GSE1: variants seen among roughly 807,000 people sequenced by gnomAD.
The protein encoded by GSE1 is Gse1 coiled-coil protein.
Under a neutral mutation model 112.6 loss-of-function variants are expected in GSE1, and 32 were observed. The observed-to-expected ratio is 0.28, with a 90% confidence interval of 0.21 to 0.38. GSE1 has a LOEUF of 0.38. GSE1 is among the 10% of genes least tolerant of loss of function. The probability of loss-of-function intolerance (pLI) is 1.00; values close to 1 mark genes in which losing one functional copy is unlikely to be tolerated. For missense variants in GSE1, 2,348 were observed against 1,699.2 expected (o/e 1.38, Z -6.71); for synonymous variants, 1,115 against 735.6 (o/e 1.52, Z -8.35).
intron 1 of GSE1, among the ~76,000 whole-genome samples, chr16:85,568,221 G>T (rs1048709132): frequency 1.6e-4 from 24 of 152,218 alleles, no homozygotes; most frequent in Non-Finnish European, 1.3e-4. Flanking sequence ...TTCTTCCAGG[G>T]TCTGCTTCTG....
intron 4 of GSE1, 40 bp from the exon 5 acceptor site, chr16:85,654,754 A>G (rs2051760752): frequency 7.5e-7 from 1 of 1,332,402 alleles, no homozygotes; most frequent in Non-Finnish European, 1.1e-6. Context: ...GCAGGTGTGC[A>G]CTCACCTGTC....
At chr16:85,290,322 C>T (rs747281368) in intron 1 of GSE1, among the ~76,000 whole-genome samples, 2 of 152,310 alleles carry the variant, frequency 1.3e-5, no homozygotes, top group Admixed American at 1.3e-4. Flanking sequence ...CACCCCCAGG[C>T]CCCCAACCTG....
At chr16:85,201,166 C>T (rs1567606964) in intron 1 of GSE1, among the ~76,000 whole-genome samples, 1 of 152,098 alleles carries the variant, frequency 6.6e-6, no homozygotes, top group Non-Finnish European at 1.5e-5. Flanking sequence ...TCAACCTCCC[C>T]GGTTTAAGTG....
At chr16:85,415,466 C>G (rs2048682261) in intron 2 of GSE1, among the ~76,000 whole-genome samples, 1 of 152,230 alleles carries the variant, frequency 6.6e-6, no homozygotes, top group African/African-American at 2.4e-5. Flanking sequence ...ACTTGCCATC[C>G]TAGAGATGCA....
Position 85,656,422 on chromosome 16 carries a change from C to T in GSE1, c.1069C>T (p.Arg357Trp), listed in dbSNP as rs756429195. Reference sequence around the variant, plus strand: ...GCGTGAGCGTGAGGCTGACCGCGAGCGGGAGAAGGAACGTGAGCGCGAACG... The same window carrying T: ...GCGTGAGCGTGAGGCTGACCGCGAGTGGGAGAAGGAACGTGAGCGCGAACG... ...REREREADRE[R>W]EKEREREREK... The change falls in exon 7 of 16, where the codon CGG (arginine) becomes TGG (tryptophan). Residue 357 changes from arginine (R) to tryptophan (W), a missense_variant. By Grantham distance (101) the Arg-to-Trp change is moderately radical. Transcript: ENST00000253458. 2.4e-5 allele frequency: 38 copies of T among 1,569,978 alleles called. No homozygotes were observed. Among genetic ancestry groups the T allele is most frequent in the African/African-American group, 9.8e-5 (7 of 71,406 alleles).
chr16:85,466,661 C>G (rs2050129775), intron 2 of GSE1, among the ~76,000 whole-genome samples: 2 of 150,272 alleles, frequency 1.3e-5, no homozygotes, highest in African/African-American at 5.0e-5. Flanking sequence ...TGCAGAGTTT[C>G]CAGGTTTGCA....
chr16:85,255,658 C>T (rs74671693), intron 1 of GSE1, among the ~76,000 whole-genome samples: 24,759 of 152,098 alleles, frequency 0.16, 2,345 homozygotes, highest in Admixed American at 0.31. Flanking sequence ...CTGCCTTGGC[C>T]TCCCAAAGTG....
chr16:85,497,248 C>T (rs1300818503), intron 2 of GSE1, among the ~76,000 whole-genome samples: 2 of 152,196 alleles, frequency 1.3e-5, no homozygotes, highest in African/African-American at 2.4e-5. Context: ...CTCCTGAAGG[C>T]GGAGTGGGTG....
intron 1 of GSE1, among the ~76,000 whole-genome samples, chr16:85,229,186 T>C (rs1332595560): frequency 2.6e-5 from 4 of 152,212 alleles, no homozygotes; most frequent in African/African-American, 9.7e-5. Context: ...CCAGCTGAGA[T>C]CTGGCGCGGC....
At chr16:85,648,825 T>G in intron 3 of GSE1, 74 bp downstream of exon 3, 1 of 850,360 alleles carries the variant, frequency 1.2e-6, no homozygotes, top group Non-Finnish European at 1.8e-6. Flanking sequence ...TTGGGGGCTC[T>G]GGAGCTTTCG....
At chr16:85,264,598 C>CG (rs563894830) in intron 1 of GSE1, among the ~76,000 whole-genome samples, 2 of 152,144 alleles carry the variant, frequency 1.3e-5, no homozygotes, top group East Asian at 1.9e-4. Flanking sequence ...GGGCCAGGGC[C>CG]GGGGGTGGCT....
At chr16:85,179,591 G>A (rs2074540044) in intron 1 of GSE1, among the ~76,000 whole-genome samples, 1 of 152,156 alleles carries the variant, frequency 6.6e-6, no homozygotes, top group South Asian at 2.1e-4. Context: ...GTTTTCAGCA[G>A]GCAAATGACG....
chr16:85,625,208 C>G (rs1419388697), intron 1 of GSE1, among the ~76,000 whole-genome samples: 1 of 152,226 alleles, frequency 6.6e-6, no homozygotes, highest in Non-Finnish European at 1.5e-5. Flanking sequence ...TCCTCTCCAG[C>G]CCTTCATCTG....
At chr16:85,629,489 A>C (rs1240979729) in intron 1 of GSE1, among the ~76,000 whole-genome samples, 1 of 152,224 alleles carries the variant, frequency 6.6e-6, no homozygotes, top group East Asian at 1.9e-4. Context: ...CCTGCACCGG[A>C]GATCGGCCCC....
chr16:85,204,693 C>G (rs892426673), intron 1 of GSE1, among the ~76,000 whole-genome samples: 3 of 152,240 alleles, frequency 2.0e-5, no homozygotes, highest in Non-Finnish European at 4.4e-5. Flanking sequence ...TCCTCTCCCC[C>G]AGGGAGAATG....
In GSE1 at chr16:85,613,396, A is replaced by C. The variant is rs1172064085; in HGVS notation, c.5A>C (p.Lys2Thr). M[K>T]GMSHEPKSPS... ...GTGGAGCTGCGGGGCCCTGGCATGA[A>C]AGGTGAGCGCGCCGCACCCGGCCGG... Residue 2 changes from lysine (K) to threonine (T), a missense_variant and splice_region_variant, in exon 1 of 16, where the codon AAA becomes ACA. By Grantham distance (78) the Lys-to-Thr change is moderately conservative (BLOSUM62 -1). Transcript: ENST00000253458. 3 of 1,563,266 alleles carry C rather than the reference A, an allele frequency of 1.9e-6. No individual in the cohort carries two copies. The highest frequency in any genetic ancestry group is 2.6e-6 in the Non-Finnish European group (3 of 1,155,296).
chr16:85,414,802 T>A (rs1389442384), intron 2 of GSE1, among the ~76,000 whole-genome samples: 1 of 150,972 alleles, frequency 6.6e-6, no homozygotes, highest in Non-Finnish European at 1.5e-5. Flanking sequence ...GCCTGACTAA[T>A]TTTTTGTATT....
intron 1 of GSE1, among the ~76,000 whole-genome samples, chr16:85,324,061 G>A (rs972857744): frequency 6.6e-6 from 1 of 152,246 alleles, no homozygotes; most frequent in Non-Finnish European, 1.5e-5. Context: ...AATAACAAGT[G>A]TTGGCGAGGA....
intron 1 of GSE1, among the ~76,000 whole-genome samples, chr16:85,632,961 C>T (rs1320652330): frequency 2.0e-5 from 3 of 152,172 alleles, no homozygotes; most frequent in African/African-American, 7.2e-5. Flanking sequence ...CATGTCCTTT[C>T]CCCAGTGGTT....
Sources: allele counts gnomAD v4.1 joint callset (sites outside exome capture counted in the v4.1 genomes callset), GRCh38; gene constraint gnomAD v4.1.1; transcripts MANE v1.5; gene names NCBI Gene and HGNC (gene_info 2026-07-23, HGNC 2026-07-21).